UROS: variants seen among roughly 807,000 people sequenced by gnomAD.
The protein encoded by UROS is uroporphyrinogen-III synthase.
Under a neutral mutation model 33.0 loss-of-function variants are expected in UROS, and 18 were observed. That is an observed-to-expected ratio of 0.55 (90% CI 0.38 to 0.81). The LOEUF (loss-of-function observed/expected upper bound fraction) is 0.81, where lower values mean the gene tolerates loss of function less well. UROS is among the 30% of genes least tolerant of loss of function. UROS has a pLI of 0.00. For synonymous variants in UROS, 114 were observed against 121.1 expected (o/e 0.94, Z 0.38); for missense variants, 293 against 314.9 (o/e 0.93, Z 0.53).
At position 125,821,316 on chromosome 10, in the gene UROS, G is replaced by A. The variant is rs1037973858; in HGVS notation, c.-27+1713C>T. On this transcript the variant is annotated intron_variant, in intron 1 of 9. Coordinates refer to ENST00000368797, the MANE Select transcript of UROS (RefSeq NM_000375.3). ...AGTATTATTCAGCCTTAACAAGGAAGGAAATCCTAATGCATGCTACAGCAT... is the reference window on the plus strand; with the variant it reads ...AGTATTATTCAGCCTTAACAAGGAAAGAAATCCTAATGCATGCTACAGCAT... 2.0e-5 allele frequency among the ~76,000 whole-genome samples: 3 copies of A among 152,304 alleles called. No homozygotes were observed. The South Asian group carries it at 6.2e-4, about 32-fold the overall frequency.
chr10:125,810,592 T>TGGGGTAATTTG (rs965316675), intron 5 of UROS, among the ~76,000 whole-genome samples: 5 of 152,170 alleles, frequency 3.3e-5, no homozygotes, highest in South Asian at 4.1e-4. Context: ...TAGTAAGTTT[T>TGGGGTAATTTG]GGGGTAATTT....
At position 125,807,436 on chromosome 10, in the gene UROS, T is replaced by C. The variant is rs17153561; in HGVS notation, c.371A>G (p.Lys124Arg). Reference sequence around the variant, plus strand: ...ACTGGAACAAATATATTCTGCAAGCTTTTCTGCATTTCCACAGGTTTCTCC... The same window carrying C: ...ACTGGAACAAATATATTCTGCAAGCCTTTCTGCATTTCCACAGGTTTCTCC... ...TEGETCGNAE[K>R]LAEYICSRES... The change falls in exon 6 of 10, where the codon AAG becomes AGG. Residue 124 changes from lysine (K) to arginine (R), a missense_variant. Physicochemically the swap from Lys to Arg is conservative, Grantham distance 26 (BLOSUM62 2). Coordinates refer to ENST00000368797, the MANE Select transcript of UROS (RefSeq NM_000375.3). 16 of 1,614,044 alleles carry C rather than the reference T, an allele frequency of 9.9e-6. No homozygotes were observed. The highest frequency in any genetic ancestry group is 1.4e-5 in the Non-Finnish European group (16 of 1,180,022).
At position 125,819,304 on chromosome 10, in the gene UROS, C is replaced by A. The variant is rs138778353; in HGVS notation, c.-26-2779G>T. Reference sequence around the variant, plus strand: ...GCCTAAAGTTTTTTAAAATAAACTTCCACTCCTGCTCTGAAGCTTGCCTCG... The same window carrying A: ...GCCTAAAGTTTTTTAAAATAAACTTACACTCCTGCTCTGAAGCTTGCCTCG... On this transcript the variant is annotated intron_variant, in intron 1 of 9. Coordinates refer to ENST00000368797, the MANE Select transcript of UROS (RefSeq NM_000375.3). Among the ~76,000 whole-genome samples, 203 of 152,236 alleles carry A rather than the reference C, an allele frequency of 1.3e-3. 4 individuals carry two copies. In the South Asian group the frequency reaches 0.027, roughly 20 times the overall value.
At chr10:125,798,655 A>T (rs1851563057) in intron 6 of UROS, among the ~76,000 whole-genome samples, 1 of 151,988 alleles carries the variant, frequency 6.6e-6, no homozygotes, top group Admixed American at 6.6e-5. Flanking sequence ...CTCACTGCCC[A>T]CTCCTCTTCT....
At chr10:125,817,608 A>G (rs920010950) in intron 1 of UROS, among the ~76,000 whole-genome samples, 1 of 132,738 alleles carries the variant, frequency 7.5e-6, no homozygotes, top group Non-Finnish European at 1.6e-5. Flanking sequence ...TGAGTGACTC[A>G]AAGAAGATAA....
chr10:125,795,664 C>T (rs550830365), intron 8 of UROS, among the ~76,000 whole-genome samples: 1 of 152,258 alleles, frequency 6.6e-6, no homozygotes, highest in South Asian at 2.1e-4. Flanking sequence ...GCTCCACCAG[C>T]ATCCCCGTAT....
At chr10:125,796,288 C>A (rs960467694) in intron 7 of UROS, 100 bp from the exon 8 acceptor site, 4 of 1,185,228 alleles carry the variant, frequency 3.4e-6, no homozygotes, top group Non-Finnish European at 5.1e-6. Context: ...CAATACAGCA[C>A]CACCCTCCTG....
rs145205940 is a variant in UROS, at chr10:125,790,792, A to G, written c.661-1787T>C. ...GAGCAAAACTCCATCTCAAAAAAAA[A>G]AAAAAATGTATTCAGAGGCCAGGCG... On this transcript the variant is annotated intron_variant, in intron 9 of 9. Transcript: ENST00000368797. 2.7e-3 allele frequency among the ~76,000 whole-genome samples: 409 copies of G among 149,892 alleles called. 3 individuals are homozygous for G. Among genetic ancestry groups the G allele is most frequent in the African/African-American group, 9.4e-3 (384 of 40,664 alleles).
intron 3 of UROS, among the ~76,000 whole-genome samples, chr10:125,815,562 C>T (rs568162915): frequency 3.1e-4 from 47 of 152,306 alleles, no homozygotes; most frequent in African/African-American, 1.1e-3. Context: ...ATGGTGATAT[C>T]ATCTACCGAA....
chr10:125,808,801 G>A (rs1169364051), intron 5 of UROS, among the ~76,000 whole-genome samples: 2 of 152,216 alleles, frequency 1.3e-5, no homozygotes, highest in Admixed American at 6.5e-5. Context: ...GGGGCTACCC[G>A]GTCCACCCCA....
chr10:125,803,691 G>A (rs1209024754), intron 6 of UROS, among the ~76,000 whole-genome samples: 4 of 152,338 alleles, frequency 2.6e-5, no homozygotes, highest in African/African-American at 4.8e-5. Context: ...AGTCTGACCC[G>A]CAGGGGCTGA....
intron 7 of UROS, among the ~76,000 whole-genome samples, 189 bp from the exon 8 acceptor site, chr10:125,796,377 T>C (rs1047868941): frequency 2.6e-5 from 4 of 152,190 alleles, no homozygotes; most frequent in African/African-American, 9.6e-5. Context: ...CTAAACGCTG[T>C]GGAGTGGTCC....
intron 1 of UROS, among the ~76,000 whole-genome samples, chr10:125,822,588 G>T (rs1397525691): frequency 1.3e-5 from 2 of 152,130 alleles, no homozygotes; most frequent in East Asian, 1.9e-4. Context: ...CTCCCAAAGT[G>T]CTGGGATTAC....
chr10:125,812,140 T>C (rs1313820346), intron 5 of UROS, 74 bp downstream of exon 5: 2 of 1,405,180 alleles, frequency 1.4e-6, no homozygotes, highest in East Asian at 2.3e-5. Context: ...ATTTTTAAAC[T>C]GAGTTAAACT....
intron 7 of UROS, 129 bp downstream of exon 7, chr10:125,797,936 G>C (rs1851504479): frequency 9.6e-7 from 1 of 1,042,852 alleles, no homozygotes; most frequent in East Asian, 2.5e-5. Flanking sequence ...TGTGTCTCCT[G>C]GCCTGGCTTA....
chr10:125,794,517 A>C, intron 9 of UROS: 1 of 354,034 alleles, frequency 2.8e-6, no homozygotes, highest in South Asian at 3.9e-5. Flanking sequence ...ATAATGGCAA[A>C]CATAAGATGG....
chr10:125,808,110 C>G (rs992310434), intron 5 of UROS, among the ~76,000 whole-genome samples: 33 of 152,166 alleles, frequency 2.2e-4, no homozygotes, highest in African/African-American at 8.0e-4. Context: ...ATTCATGAAC[C>G]AAGTAAGAAG....
rs938254564 is a variant in UROS, at chr10:125,789,175, C to T, written c.661-170G>A. ...GCCCGATTCTAGCCCAGCTTCTGAG[C>T]GTGCAAAATACCTCTGCATCCACGC... On this transcript the variant is annotated intron_variant, in intron 9 of 9. Transcript: ENST00000368797. The T allele has an allele frequency of 7.1e-6, 10 of 1,407,434 alleles. No individual in the cohort carries two copies. The Admixed American group carries it at 8.6e-5, about 12-fold the overall frequency. 87.2% of individuals were successfully genotyped at this position (1,407,434 alleles called of 1,614,324 possible).
intron 7 of UROS, 91 bp downstream of exon 7, chr10:125,797,974 T>C (rs1851508720): frequency 1.4e-6 from 2 of 1,460,762 alleles, no homozygotes; most frequent in Admixed American, 3.4e-5. Context: ...CTCCCTTGTG[T>C]GCTCTCTGCA....
Sources: allele counts gnomAD v4.1 joint callset (sites outside exome capture counted in the v4.1 genomes callset), GRCh38; gene constraint gnomAD v4.1.1; transcripts MANE v1.5; gene names NCBI Gene and HGNC (gene_info 2026-07-23, HGNC 2026-07-21).